Variants in APP observed in about 807,000 individuals in gnomAD.
The protein encoded by APP is amyloid beta precursor protein, also known as amyloid-beta precursor protein.
In APP, 31 loss-of-function variants were observed where a neutral mutation model predicts 101.4. That is an observed-to-expected ratio of 0.31 (90% CI 0.23 to 0.41). The LOEUF is 0.41. APP is among the 10% of genes least tolerant of loss of function. The pLI, the probability that APP is intolerant of heterozygous loss-of-function variation, is 1.00. For synonymous variants in APP, 366 were observed against 364.4 expected, an observed-to-expected ratio of 1.00 and a Z score of -0.05; for missense variants, 839 against 1,003.7, an observed-to-expected ratio of 0.84 and a Z score of 2.22.
chr21:25,901,295 TTA>T lies in APP; in HGVS notation c.1964-3624_1964-3623del, dbSNP rs1299993469. 8.4e-3 allele frequency among the ~76,000 whole-genome samples: 628 copies of T among 75,194 alleles called. 8 individuals are homozygous for T. The highest frequency in any genetic ancestry group is 0.016 in the African/African-American group (488 of 30,734). The allele number at this position is 75,194 out of a possible 152,430, so 49.3% of individuals were successfully genotyped here. A position where few individuals can be genotyped will look rare whatever the true frequency, so the allele number is the denominator to read the frequency against. On this transcript the variant is annotated intron_variant, in intron 15 of 17. Coordinates refer to ENST00000346798, the MANE Select transcript of APP (RefSeq NM_000484.4). ...CCTGGAAACAGAGACAAATCCTGTTTTAAAAAAAAAAAAAAAAAAAAAACAAA... is the reference window on the plus strand; with the variant it reads ...CCTGGAAACAGAGACAAATCCTGTTTAAAAAAAAAAAAAAAAAAAAACAAA...
chr21:26,007,337 A>T (rs1338236270), intron 6 of APP, among the ~76,000 whole-genome samples: 1 of 148,442 alleles, frequency 6.7e-6, no homozygotes, highest in Non-Finnish European at 1.5e-5. Context: ...TCAATATTTC[A>T]AATAAACGTT....
Position 25,975,210 on chromosome 21 carries a change from C to G in APP, c.1318G>C (p.Glu440Gln). 2 of 1,614,168 alleles carry G rather than the reference C, an allele frequency of 1.2e-6. No individual in the cohort carries two copies. Among genetic ancestry groups the G allele is most frequent in the Non-Finnish European group, 1.7e-6 (2 of 1,180,028 alleles). ...AVIQHFQEKV[E>Q]SLEQEAANER... ...TTGGCTGCTTCCTGTTCCAAAGATT[C>G]CACTTTCTCCTGGAAATGCTGCCAT... Residue 440 changes from glutamate (E) to glutamine (Q), a missense_variant, in exon 11 of 18, where the codon GAA becomes CAA. Coordinates refer to ENST00000346798, the MANE Select transcript of APP (RefSeq NM_000484.4).
chr21:25,932,985 T>C (rs45569839), intron 13 of APP, among the ~76,000 whole-genome samples: 245 of 152,370 alleles, frequency 1.6e-3, no homozygotes, highest in African/African-American at 5.8e-3. Flanking sequence ...ATTTTATTTT[T>C]TATTGATACA....
At chr21:26,058,878 G>A (rs1305612392) in intron 3 of APP, among the ~76,000 whole-genome samples, 4 of 152,072 alleles carry the variant, frequency 2.6e-5, no homozygotes, top group Non-Finnish European at 5.9e-5. Flanking sequence ...TCAGGAGATC[G>A]AGACCATCCT....
chr21:26,119,920 T>C (rs574552736), intron 1 of APP, among the ~76,000 whole-genome samples: 1 of 152,336 alleles, frequency 6.6e-6, no homozygotes, highest in South Asian at 2.1e-4. Flanking sequence ...TTCTACTTGT[T>C]CTGACAGCTA....
At chr21:26,166,871 TGAGAGAGAGA>T (rs559340452) in intron 1 of APP, among the ~76,000 whole-genome samples, 7 of 135,288 alleles carry the variant, frequency 5.2e-5, no homozygotes, top group East Asian at 4.4e-4. Flanking sequence ...GTCACTCAAG[TGAGAGAGAGA>T]GAGAGAGAGA....
intron 1 of APP, among the ~76,000 whole-genome samples, chr21:26,122,563 C>A (rs527563350): frequency 6.6e-6 from 1 of 152,152 alleles, no homozygotes; most frequent in South Asian, 2.1e-4. Context: ...CAGTTCAGAG[C>A]ATTTTTCAAG....
At chr21:26,110,719 T>C (rs2062298308) in intron 2 of APP, among the ~76,000 whole-genome samples, 1 of 152,054 alleles carries the variant, frequency 6.6e-6, no homozygotes. Context: ...AGGATCTCAA[T>C]AGAATAGTAA....
At chr21:25,884,061 T>C (rs1255787572) in intron 17 of APP, among the ~76,000 whole-genome samples, 11 of 152,202 alleles carry the variant, frequency 7.2e-5, no homozygotes, top group Admixed American at 7.2e-4. Flanking sequence ...GTATTTTTAG[T>C]AGAGATGGGG....
At chr21:26,128,991 T>C (rs1278646096) in intron 1 of APP, among the ~76,000 whole-genome samples, 1 of 152,132 alleles carries the variant, frequency 6.6e-6, no homozygotes, top group African/African-American at 2.4e-5. Context: ...ATGATTATAA[T>C]AACACATCAG....
At chr21:25,979,274 A>G (rs1568799075) in intron 9 of APP, among the ~76,000 whole-genome samples, 1 of 152,226 alleles carries the variant, frequency 6.6e-6, no homozygotes, top group African/African-American at 2.4e-5. Context: ...AAAAAACCGC[A>G]CAATTTTTAA....
At chr21:26,119,541 CTAA>C (rs943814917) in intron 1 of APP, among the ~76,000 whole-genome samples, 28 of 152,326 alleles carry the variant, frequency 1.8e-4, no homozygotes, top group African/African-American at 6.3e-4. Context: ...GTTCCAACTA[CTAA>C]TGTTTATCAA....
At chr21:26,063,617 AT>A (rs1340239207) in intron 3 of APP, among the ~76,000 whole-genome samples, 2 of 152,242 alleles carry the variant, frequency 1.3e-5, no homozygotes, top group African/African-American at 2.4e-5. Flanking sequence ...AGCAATAAAA[AT>A]TATGAAGTAG....
At chr21:25,881,803 TAA>T (rs781309955) in intron 17 of APP, 32 bp from the exon 18 acceptor site, 3 of 1,594,988 alleles carry the variant, frequency 1.9e-6, no homozygotes, top group Admixed American at 3.3e-5. Context: ...GAGTAAAAAA[TAA>T]AAATCAATCT....
chr21:25,887,967 G>T (rs35215437), intron 17 of APP, among the ~76,000 whole-genome samples: 151,975 of 152,152 alleles, frequency 1, 75,899 homozygotes, highest in South Asian at 1. Context: ...GTTCTCAGGA[G>T]TTTTTTTCCT....
intron 14 of APP, among the ~76,000 whole-genome samples, chr21:25,911,199 C>T (rs1449796952): frequency 3.3e-5 from 5 of 152,192 alleles, no homozygotes; most frequent in Non-Finnish European, 7.3e-5. Context: ...ACAGTACATG[C>T]TCTTTATGTA....
At chr21:26,154,496 A>G (rs923871220) in intron 1 of APP, among the ~76,000 whole-genome samples, 2 of 152,180 alleles carry the variant, frequency 1.3e-5, no homozygotes, top group African/African-American at 4.8e-5. Context: ...GAGGTTGAAG[A>G]TATGCCTGGT....
At chr21:25,978,646 C>T (rs1022348295) in intron 9 of APP, among the ~76,000 whole-genome samples, 1 of 152,106 alleles carries the variant, frequency 6.6e-6, no homozygotes, top group African/African-American at 2.4e-5. Context: ...TAAAATGTTG[C>T]TGCTTATCTT....
intron 3 of APP, among the ~76,000 whole-genome samples, chr21:26,079,580 T>TA (rs1317790134): frequency 1.3e-5 from 2 of 152,200 alleles, no homozygotes; most frequent in Non-Finnish European, 2.9e-5. Context: ...GTTCAGCTGA[T>TA]ACGTTATTAA....
Sources: allele counts gnomAD v4.1 joint callset (sites outside exome capture counted in the v4.1 genomes callset), GRCh38; gene constraint gnomAD v4.1.1; transcripts MANE v1.5; gene names NCBI Gene and HGNC (gene_info 2026-07-23, HGNC 2026-07-21).